The following PIWIL1 variants were observed in gnomAD, a reference collection of about 807,000 sequenced individuals.
PIWIL1 encodes piwi-like protein 1.
PIWIL1 carries 73 observed loss-of-function variants against 114.4 expected under a neutral mutation model. That is an observed-to-expected ratio of 0.64 (90% CI 0.53 to 0.78). The LOEUF (loss-of-function observed/expected upper bound fraction) is 0.78, where lower values mean the gene tolerates loss of function less well. PIWIL1 is among the 30% of genes least tolerant of loss of function. PIWIL1 has a pLI of 0.00. For synonymous variants in PIWIL1, 375 were observed against 369.0 expected, an observed-to-expected ratio of 1.02 and a Z score of -0.19; for missense variants, 723 against 1,063.1, an observed-to-expected ratio of 0.68 and a Z score of 4.45.
rs761965134 is a variant in PIWIL1 at position 130,348,088 on chromosome 12, C to A, written c.654-15C>A. On this transcript the variant is annotated splice_polypyrimidine_tract_variant and intron_variant, in intron 6 of 20. Transcript: ENST00000245255. ...ATACTTATCAATATTCACTCTCTGACCTTTCCATTTCTAGGCTTTTGAAAA... is the reference window on the plus strand; with the variant it reads ...ATACTTATCAATATTCACTCTCTGAACTTTCCATTTCTAGGCTTTTGAAAA... The A allele has an allele frequency of 5.8e-6, 9 of 1,540,210 alleles. No homozygotes were observed. The South Asian group carries it at 7.9e-5, about 14-fold the overall frequency.
chr12:130,339,186 C>A (rs535114201), intron 1 of PIWIL1, among the ~76,000 whole-genome samples: 1 of 152,016 alleles, frequency 6.6e-6, no homozygotes, highest in Non-Finnish European at 1.5e-5. Flanking sequence ...CCGCGACGGC[C>A]GGGCTCTGCG....
intron 18 of PIWIL1, among the ~76,000 whole-genome samples, chr12:130,365,051 C>G (rs1462738268): frequency 1.3e-5 from 2 of 152,100 alleles, no homozygotes; most frequent in African/African-American, 4.8e-5. Context: ...AGGTTGCCAC[C>G]CTAGTGAATG....
the PIWIL1 span, chr12:130,399,786 C>T: frequency 1.2e-6 from 2 of 1,614,164 alleles, no homozygotes; most frequent in Non-Finnish European, 1.7e-6. Context: ...TTTGAGGGCA[C>T]AAGGCCTTTC....
the PIWIL1 span, among the ~76,000 whole-genome samples, chr12:130,417,853 T>G: frequency 6.8e-6 from 1 of 146,812 alleles, no homozygotes; most frequent in African/African-American, 2.5e-5. Context: ...TATATATGTA[T>G]GGAGAGAGAA....
intron 2 of PIWIL1, 150 bp from the exon 3 acceptor site, chr12:130,342,840 C>A: frequency 1.4e-6 from 1 of 724,886 alleles, no homozygotes. Flanking sequence ...TATTTGGTGA[C>A]TCTTCTCTCA....
the PIWIL1 span, chr12:130,424,278 G>C: frequency 2.4e-6 from 3 of 1,231,852 alleles, no homozygotes; most frequent in Admixed American, 4.2e-5. This position sits in a 1 kb window ranked among gnomAD's most constrained non-coding sequence, Gnocchi z 9.8. Context: ...GTGCTTCCTG[G>C]GGGGCGGCCT....
the PIWIL1 span, among the ~76,000 whole-genome samples, chr12:130,417,866 G>GT: frequency 2.0e-5 from 3 of 151,692 alleles, no homozygotes; most frequent in African/African-American, 7.3e-5. Context: ...AGAGAGAATG[G>GT]GAGGGGAGAG....
chr12:130,412,330 T>C, the PIWIL1 span, among the ~76,000 whole-genome samples: 1 of 152,314 alleles, frequency 6.6e-6, no homozygotes, highest in East Asian at 1.9e-4. Context: ...ATGTGTTTTC[T>C]AGATGCGATA....
At chr12:130,421,689 A>ATGTGTGTGTGTGTGTGTGTGTGTG in the PIWIL1 span, among the ~76,000 whole-genome samples, 6 of 106,954 alleles carry the variant, frequency 5.6e-5, no homozygotes, top group Non-Finnish European at 8.6e-5. Context: ...CCCTGCATTT[A>ATGTGTGTGTGTGTGTGTGTGTGTG]TATGTGTGTG....
chr12:130,357,204 G>A (rs535425469), intron 13 of PIWIL1, 99 bp downstream of exon 13: 1 of 956,558 alleles, frequency 1.0e-6, no homozygotes, highest in South Asian at 1.7e-5. Context: ...TTAATTGAAA[G>A]GTTTGATGTG....
chr12:130,406,192 C>T, the PIWIL1 span: 262 of 1,592,128 alleles, frequency 1.6e-4, 1 homozygote, highest in Non-Finnish European at 2.8e-5. Context: ...CCATCTTCAT[C>T]AATTTCACCA....
At chr12:130,355,499 GTCT>G in intron 11 of PIWIL1, 51 bp from the exon 12 acceptor site, 1 of 1,296,510 alleles carries the variant, frequency 7.7e-7, no homozygotes, top group Non-Finnish European at 1.1e-6. Flanking sequence ...GTTTGACTGT[GTCT>G]TCTTGCTGTG....
At chr12:130,342,716 G>C (rs1018464424) in intron 2 of PIWIL1, 47 bp downstream of exon 2, 3 of 1,412,666 alleles carry the variant, frequency 2.1e-6, no homozygotes, top group South Asian at 1.2e-5. Flanking sequence ...TTTGACTCTT[G>C]ATCAGCCTAG....
the PIWIL1 span, chr12:130,397,271 G>T: frequency 1.8e-4 from 71 of 396,514 alleles, no homozygotes; most frequent in Non-Finnish European, 2.7e-4. Flanking sequence ...AGAAGATTGG[G>T]TTTTTTTAGG....
intron 18 of PIWIL1, among the ~76,000 whole-genome samples, chr12:130,363,681 A>G (rs1476872138): frequency 7.4e-6 from 1 of 134,286 alleles, no homozygotes; most frequent in Non-Finnish European, 1.5e-5. Context: ...GCAGTGGCAC[A>G]ATCTCGGCTC....
downstream of PIWIL1, among the ~76,000 whole-genome samples, chr12:130,376,315 A>G (rs1268374770): frequency 6.6e-6 from 1 of 152,254 alleles, no homozygotes; most frequent in South Asian, 2.1e-4. Context: ...ATGCGTGCCC[A>G]TATTCCATTG....
the PIWIL1 span, among the ~76,000 whole-genome samples, chr12:130,409,410 C>T: frequency 1.4e-5 from 2 of 145,950 alleles, no homozygotes; most frequent in Admixed American, 7.1e-5. Context: ...TGGCGCGATC[C>T]CGGCTCACTG....
At chr12:130,404,983 T>G in the PIWIL1 span, among the ~76,000 whole-genome samples, 1 of 152,090 alleles carries the variant, frequency 6.6e-6, no homozygotes, top group Non-Finnish European at 1.5e-5. Flanking sequence ...TGCAGATTAT[T>G]TAGTAAATGT....
chr12:130,343,042 G>C lies in PIWIL1; in HGVS notation c.131G>C (p.Gly44Ala). ...QPRPQPPPAE[G>A]ELFGRGRQRG... Reference sequence around the variant, plus strand: ...AGGCCTCAGCCGCCACCAGCAGAGGGGGAATTATTTGGCCGTGGACGGCAG... The same window carrying C: ...AGGCCTCAGCCGCCACCAGCAGAGGCGGAATTATTTGGCCGTGGACGGCAG... Residue 44 changes from glycine to alanine, a missense_variant, in exon 3 of 21, where the codon GGG becomes GCG. By Grantham distance (60) the Gly-to-Ala change is moderately conservative. Around this residue, in one of 8 missense-constraint regions of PIWIL1, gnomAD observed 91 missense variants for 76.2 expected, o/e 1.19. Coordinates refer to ENST00000245255, the MANE Select transcript of PIWIL1 (RefSeq NM_004764.5). 6.2e-7 allele frequency: 1 copy of C among 1,614,124 alleles called. No individual in the cohort carries two copies. Among genetic ancestry groups the C allele is most frequent in the Non-Finnish European group, 8.5e-7 (1 of 1,179,988 alleles).
Sources: gnomAD v4.1 joint callset for allele counts (sites outside exome capture counted in the v4.1 genomes callset) on GRCh38, gnomAD v4.1.1 for gene constraint, gnomAD v4.1.1 regional missense constraint, Gnocchi (gnomAD v3.1) non-coding constraint, MANE v1.5 for transcripts, NCBI Gene and HGNC (gene_info 2026-07-23, HGNC 2026-07-21) for gene names.